The following INTS1 variants were observed in gnomAD, a reference collection of about 807,000 sequenced individuals.
INTS1 encodes integrator complex subunit 1.
In INTS1, 137 loss-of-function variants were observed where a neutral mutation model predicts 241.6. The observed-to-expected ratio is 0.57, with a 90% confidence interval of 0.49 to 0.65. The LOEUF is 0.65. Ranked by LOEUF, INTS1 falls within the 30% of genes least tolerant of loss-of-function variation. INTS1 has a pLI of 0.00. For missense variants in INTS1, 3,073 were observed against 3,032.2 expected, an observed-to-expected ratio of 1.01 and a Z score of -0.32; for synonymous variants, 1,692 against 1,337.8, an observed-to-expected ratio of 1.26 and a Z score of -5.78.
rs1401513399 is a variant in INTS1, at chr7:1,496,255, C to A, written c.1612G>T (p.Val538Leu). ...YLEMEFKERF[V>L]VHITDVLAVS... The stretch of plus-strand genomic sequence containing the variant: ...GCCAGGACGTCGGTGATGTGCACCA[C>A]GAAGCGCTCCTGCAGGTGCAGCACG... Residue 538 changes from valine to leucine, a missense_variant, in exon 12 of 48, where the codon GTG becomes TTG. By Grantham distance (32) the Val-to-Leu change is conservative (BLOSUM62 1). Transcript: ENST00000404767. 2 of 1,613,528 alleles carry A rather than the reference C, an allele frequency of 1.2e-6. No individual in the cohort carries two copies. The highest frequency in any genetic ancestry group is 1.7e-6 in the Non-Finnish European group (2 of 1,179,758).
At chr7:1,472,484 C>T in intron 43 of INTS1, 98 bp from the exon 44 acceptor site, 3 of 809,486 alleles carry the variant, frequency 3.7e-6, no homozygotes, top group Non-Finnish European at 5.7e-6. Context: ...GCGGCCACTG[C>T]CCAGGCTCCC....
At chr7:1,496,054 T>A in intron 12 of INTS1, 102 bp downstream of exon 12, 1 of 843,624 alleles carries the variant, frequency 1.2e-6, no homozygotes, top group Non-Finnish European at 1.9e-6. Flanking sequence ...GGACCGCTCC[T>A]GCCGGGCGCT....
rs551740917 is a variant in INTS1, at chr7:1,495,088, C to A, written c.1833-195G>T. On this transcript the variant is annotated intron_variant, in intron 13 of 47. Transcript: ENST00000404767. ...CTCACGGGGCTGCCAGGCTGCACAG[C>A]GGCCGAACGGGGCTGCCGGGCTGGA... Among the ~76,000 whole-genome samples, 376 of 144,424 alleles carry A rather than the reference C, an allele frequency of 2.6e-3. 3 individuals are homozygous for A. Among genetic ancestry groups the A allele is most frequent in the African/African-American group, 9.6e-3 (355 of 36,958 alleles). The allele number at this position is 144,424 out of a possible 152,430, so 94.7% of individuals were successfully genotyped here. A position where few individuals can be genotyped will look rare whatever the true frequency, so the allele number is the denominator to read the frequency against.
rs368671630 is a variant in INTS1 at position 1,473,572 on chromosome 7, G to T, written c.5951C>A (p.Pro1984Gln). The T allele has an allele frequency of 6.3e-7, 1 of 1,592,184 alleles. No individual in the cohort carries two copies. Among genetic ancestry groups the T allele is most frequent in the Non-Finnish European group, 8.5e-7 (1 of 1,170,060 alleles). The change falls in exon 42 of 48, where the codon CCG becomes CAG. Residue 1984 changes from proline to glutamine, a missense_variant. By Grantham distance (76) the Pro-to-Gln change is moderately conservative. Coordinates refer to ENST00000404767, the MANE Select transcript of INTS1 (RefSeq NM_001080453.3). ...AISFLQKHAD[P>Q]LHDLSFDNSD... ...GCAGCCCGTGGGCACTCACTGGAGC[G>T]GGTCGGCGTGCTTCTGCAGGAAGGA...
rs537457374 is a variant in INTS1 at position 1,478,711 on chromosome 7, C to T, written c.4489+15G>A. Reference sequence around the variant, plus strand: ...AGTGCCCCCCAGCCGTCTGCCAGCCCGGCGCGGTCCTCACCATCACTGAGC... The same window carrying T: ...AGTGCCCCCCAGCCGTCTGCCAGCCTGGCGCGGTCCTCACCATCACTGAGC... On this transcript the variant is annotated intron_variant, in intron 32 of 47. Coordinates refer to ENST00000404767, the MANE Select transcript of INTS1 (RefSeq NM_001080453.3). 1.4e-4 allele frequency: 222 copies of T among 1,543,106 alleles called. No homozygotes were observed. In the African/African-American group the frequency reaches 2.6e-3, roughly 18 times the overall value.
In INTS1 at chr7:1,499,317, C is replaced by T. The variant is rs185965284; in HGVS notation, c.888G>A (p.Gln296=). 6.0e-5 allele frequency: 97 copies of T among 1,604,546 alleles called. No individual in the cohort carries two copies. In the African/African-American group the frequency reaches 1.1e-3, roughly 19 times the overall value. The change falls in exon 7 of 48, where the codon CAG becomes CAA. Residue 296 remains glutamine (Q), a synonymous_variant. Coordinates refer to ENST00000404767, the MANE Select transcript of INTS1 (RefSeq NM_001080453.3). ...TCTCCTCCGCGATCAGCAACTCCGT[C>T]TGGCTGTCCTCCTCCTCCGTGAGGG... ...HPSLTEEEDS[Q]TELLIAEEKL...
Position 1,493,112 on chromosome 7 carries a change from A to T in INTS1, c.2069-6T>A. The T allele has an allele frequency of 1.2e-6, 2 of 1,606,340 alleles. No individual in the cohort carries two copies. Among genetic ancestry groups the T allele is most frequent in the South Asian group, 1.1e-5 (1 of 90,942 alleles). ...CACCTTCAGCACCTCCACATCTAAG[A>T]CCAAGAGCCACACATGGGTTCTGGG... On this transcript the variant is annotated splice_region_variant and splice_polypyrimidine_tract_variant and intron_variant, in intron 15 of 47. Transcript: ENST00000404767. The surrounding 1 kb of genome is among the most constrained non-coding windows in gnomAD (Gnocchi z 5.3).
Position 1,486,563 on chromosome 7 carries a change from T to G in INTS1, c.2976+62A>C, listed in dbSNP as rs550245573. On this transcript the variant is annotated intron_variant, in intron 22 of 47. Coordinates refer to ENST00000404767, the MANE Select transcript of INTS1 (RefSeq NM_001080453.3). Reference sequence around the variant, plus strand: ...GACAGGCGTGAGCCACCGTGCCCGGTCCCCAGCCTACTCATTTTAAACATG... The same window carrying G: ...GACAGGCGTGAGCCACCGTGCCCGGGCCCCAGCCTACTCATTTTAAACATG... 2.4e-5 allele frequency: 37 copies of G among 1,543,266 alleles called. No individual in the cohort carries two copies. In the African/African-American group the frequency reaches 4.6e-4, roughly 19 times the overall value.
Position 1,485,421 on chromosome 7 carries a change from T to C in INTS1, c.3025A>G (p.Lys1009Glu). The change falls in exon 23 of 48, where the codon AAG (lysine) becomes GAG (glutamate). Residue 1009 changes from lysine to glutamate, a missense_variant. Transcript: ENST00000404767. ...ACATCCTCCTCCATGGGGGGCTCCT[T>C]CTCCTCCCCGTCCCGCAGGCTGCCC... ...SEGSLRDGEE[K>E]EPPMEEDVGD... 6.2e-7 allele frequency: 1 copy of C among 1,612,674 alleles called. No homozygotes were observed. Among genetic ancestry groups the C allele is most frequent in the Non-Finnish European group, 8.5e-7 (1 of 1,179,806 alleles).
intron 22 of INTS1, among the ~76,000 whole-genome samples, chr7:1,486,005 TG>T (rs1354578442): frequency 6.6e-6 from 1 of 152,154 alleles, no homozygotes; most frequent in East Asian, 1.9e-4. Context: ...ATCATTATGT[TG>T]CCCAGGCTGG....
intron 2 of INTS1, 139 bp downstream of exon 2, chr7:1,503,764 T>C (rs1166927336): frequency 6.2e-6 from 4 of 649,362 alleles, no homozygotes; most frequent in South Asian, 1.9e-5. Context: ...GAGAGCAGTG[T>C]TTCCAGACCG....
At position 1,476,395 on chromosome 7, in the gene INTS1, G is replaced by A; in HGVS notation, c.5212C>T (p.Leu1738=). 3 of 1,576,444 alleles carry A rather than the reference G, an allele frequency of 1.9e-6. No individual in the cohort carries two copies. The highest frequency in any genetic ancestry group is 2.6e-6 in the Non-Finnish European group (3 of 1,166,782). The stretch of plus-strand genomic sequence containing the variant: ...CGCGTCTCCGCCTCGGCCAGGATCA[G>A]CTCCACCAGGCTGATGAGCTCCGGG... The part of the protein sequence containing the change: ...QGPELISLVE[L]ILAEAETRSQ... Residue 1738 remains leucine (L), a synonymous_variant, in exon 38 of 48, where the codon CTG becomes TTG. Coordinates refer to ENST00000404767, the MANE Select transcript of INTS1 (RefSeq NM_001080453.3).
chr7:1,473,512 C>T (rs1781570491), intron 42 of INTS1, 54 bp downstream of exon 42: 7 of 1,548,454 alleles, frequency 4.5e-6, no homozygotes, highest in Non-Finnish European at 6.1e-6. Context: ...CCTCCAGACC[C>T]CGCTGGACCC....
chr7:1,495,643 T>C (rs1481617212), intron 12 of INTS1, 90 bp from the exon 13 acceptor site: 12 of 1,500,234 alleles, frequency 8.0e-6, no homozygotes, highest in Non-Finnish European at 9.8e-6. Context: ...ATGCTGGCAC[T>C]TGGGAGGGGG....
chr7:1,470,678 G>A lies in INTS1; in HGVS notation c.6472C>T (p.Leu2158=), dbSNP rs770134071. The A allele has an allele frequency of 1.9e-6, 3 of 1,563,300 alleles. No homozygotes were observed. Among genetic ancestry groups the A allele is most frequent in the Non-Finnish European group, 2.6e-6 (3 of 1,154,928 alleles). ...ALLCQEHAAV[L]LHRAFLVGMY... Reference sequence around the variant, plus strand: ...CCCACCAGGAAGGCCCGGTGGAGCAGCACAGCCGCGTGCTCTGTGGGGGAA... The same window carrying A: ...CCCACCAGGAAGGCCCGGTGGAGCAACACAGCCGCGTGCTCTGTGGGGGAA... Residue 2158 remains leucine (L), a synonymous_variant, in exon 48 of 48, where the codon CTG becomes TTG. Coordinates refer to ENST00000404767, the MANE Select transcript of INTS1 (RefSeq NM_001080453.3).
rs1254428148 is a variant in INTS1, at chr7:1,477,666, C to A, written c.4822G>T (p.Ala1608Ser). Residue 1608 changes from alanine (A) to serine (S), a missense_variant, in exon 35 of 48, where the codon GCC becomes TCC. Physicochemically the swap from Ala to Ser is moderately conservative, Grantham distance 99 (BLOSUM62 1). Transcript: ENST00000404767. ...KPGADGGSLE[A>S]VRLGPSSGLL... The stretch of plus-strand genomic sequence containing the variant: ...CCTGACGAGGGCCCCAGCCGCACGG[C>A]CTCCAGGCTGCAGGGAGAAGGTGGC... 2 of 1,596,448 alleles carry A rather than the reference C, an allele frequency of 1.3e-6. No individual in the cohort carries two copies. The highest frequency in any genetic ancestry group is 1.1e-5 in the South Asian group (1 of 88,700).
chr7:1,488,605 G>A (rs1285658710), intron 18 of INTS1, among the ~76,000 whole-genome samples: 4 of 152,006 alleles, frequency 2.6e-5, no homozygotes, highest in African/African-American at 7.2e-5. Context: ...GGCCCCAAAC[G>A]TACCCGATCC....
At chr7:1,472,642 T>C (rs1781524546) in intron 43 of INTS1, among the ~76,000 whole-genome samples, 1 of 152,118 alleles carries the variant, frequency 6.6e-6, no homozygotes, top group South Asian at 2.1e-4. Flanking sequence ...CAAGACGGGA[T>C]GGCCCCTTGG....
At position 1,499,513 on chromosome 7, in the gene INTS1, C is replaced by A; in HGVS notation, c.804G>T (p.Leu268=). The change falls in exon 6 of 48, where the codon CTG becomes CTT. Residue 268 remains leucine (L), a synonymous_variant. Transcript: ENST00000404767. ...NTRMPPRSVL[L]QGEAGRVAGD... ...CCGCAACGCGGCCCGCCTCCCCCTG[C>A]AGCAGCACGCTCCTGGGGGGCATTC... is the stretch of plus-strand genomic sequence containing the variant. 6.2e-7 allele frequency: 1 copy of A among 1,611,582 alleles called. No individual in the cohort carries two copies. The highest frequency in any genetic ancestry group is 8.5e-7 in the Non-Finnish European group (1 of 1,178,904).
Sources: gnomAD v4.1 joint callset for allele counts (sites outside exome capture counted in the v4.1 genomes callset) on GRCh38, gnomAD v4.1.1 for gene constraint, Gnocchi (gnomAD v3.1) non-coding constraint, MANE v1.5 for transcripts, NCBI Gene and HGNC (gene_info 2026-07-23, HGNC 2026-07-21) for gene names.